The following PCDHA3 variants were observed in gnomAD, a reference collection of about 807,000 sequenced individuals.
PCDHA3 encodes the protein protocadherin alpha-3.
A neutral mutation model predicts 62.2 loss-of-function variants in PCDHA3; 41 were observed. The ratio of observed to expected loss-of-function variants is 0.66; its 90% CI spans 0.51 to 0.86. The LOEUF is 0.86. PCDHA3 is among the 40% of genes least tolerant of loss of function. The pLI is 0.00. For synonymous variants in PCDHA3, 640 were observed against 555.4 expected (o/e 1.15, Z -2.14); for missense variants, 1,304 against 1,241.2 (o/e 1.05, Z -0.76).
At chr5:140,828,276 G>C (rs2150153517) in intron 1 of PCDHA3, 1 of 1,614,090 alleles carries the variant, frequency 6.2e-7, no homozygotes, top group South Asian at 1.1e-5. Context: ...CTGGTGCCGC[G>C]CCTGTTCAGG....
intron 1 of PCDHA3, chr5:140,876,188 G>T: frequency 6.2e-7 from 1 of 1,613,944 alleles, no homozygotes; most frequent in South Asian, 1.1e-5. Flanking sequence ...AATGACAATG[G>T]TCCGGCGTTT....
chr5:140,856,905 C>T, intron 1 of PCDHA3: 1 of 1,595,990 alleles, frequency 6.3e-7, no homozygotes. Context: ...TTGGTCCCAC[C>T]CACGATAAGA....
At chr5:141,002,583 C>T (rs781898349) in intron 3 of PCDHA3, among the ~76,000 whole-genome samples, 6 of 152,176 alleles carry the variant, frequency 3.9e-5, no homozygotes, top group Non-Finnish European at 7.3e-5. Context: ...GACCATTAGT[C>T]CTTAGTCCCC....
At chr5:140,871,112 A>G (rs1554165130) in intron 1 of PCDHA3, 2 of 1,613,290 alleles carry the variant, frequency 1.2e-6, no homozygotes, top group Non-Finnish European at 1.7e-6. Context: ...TCGTTGGTGG[A>G]GAGCGGACAG....
At chr5:140,993,431 C>T (rs1171497178) in intron 3 of PCDHA3, among the ~76,000 whole-genome samples, 1 of 149,406 alleles carries the variant, frequency 6.7e-6, no homozygotes, top group African/African-American at 2.5e-5. Context: ...TTTTAAAATC[C>T]TTATTCATTC....
In PCDHA3 at chr5:140,883,629, C is replaced by T. The variant is rs1467301210; in HGVS notation, c.2394+80038C>T. ...GCCGACGTGAACGACAACGCGCCGGCGTTCGCGCAGCCCGAGTACACGGTG... is the reference window on the plus strand; with the variant it reads ...GCCGACGTGAACGACAACGCGCCGGTGTTCGCGCAGCCCGAGTACACGGTG... On this transcript the variant is annotated intron_variant, in intron 1 of 3. Transcript: ENST00000522353. 6.2e-7 allele frequency: 1 copy of T among 1,613,868 alleles called. No individual in the cohort carries two copies. Among genetic ancestry groups the T allele is most frequent in the African/African-American group, 1.3e-5 (1 of 74,936 alleles).
intron 1 of PCDHA3, among the ~76,000 whole-genome samples, chr5:140,889,977 C>A (rs2062447126): frequency 6.6e-6 from 1 of 152,102 alleles, no homozygotes; most frequent in African/African-American, 2.4e-5. Flanking sequence ...ATCCAGTCTC[C>A]AGTTGTCTTA....
chr5:140,915,374 G>A (rs1310466402), intron 1 of PCDHA3, among the ~76,000 whole-genome samples: 3 of 152,016 alleles, frequency 2.0e-5, no homozygotes, highest in Non-Finnish European at 4.4e-5. Flanking sequence ...TAAGTGTCTC[G>A]GCATTGAAGA....
At chr5:140,966,899 C>T in intron 1 of PCDHA3, 2 of 1,598,372 alleles carry the variant, frequency 1.3e-6, no homozygotes, top group African/African-American at 1.3e-5. Context: ...CTCCCAGCTG[C>T]GATACTCTGT....
chr5:140,863,326 G>T (rs782427157), intron 1 of PCDHA3: 3 of 1,432,470 alleles, frequency 2.1e-6, no homozygotes, highest in Non-Finnish European at 2.9e-6. Context: ...CAGCCTGTTA[G>T]TGCTCACGTT....
intron 1 of PCDHA3, among the ~76,000 whole-genome samples, chr5:140,840,836 TA>T (rs1554137914): frequency 6.6e-6 from 1 of 152,034 alleles, no homozygotes; most frequent in Non-Finnish European, 1.5e-5. Flanking sequence ...AAATAAATAT[TA>T]ATGCATTTCT....
Position 140,801,177 on chromosome 5 carries a change from A to G in PCDHA3, c.-21A>G. On this transcript the variant is annotated 5_prime_UTR_variant, in exon 1 of 4. Coordinates refer to ENST00000522353, the MANE Select transcript of PCDHA3 (RefSeq NM_018906.3). ...CTTTGGATCAATGTAAAGGCAATCT[A>G]ATATTTGGAAAATACTTGCAATGTT... is the stretch of plus-strand genomic sequence containing the variant. The G allele has an allele frequency of 6.4e-7, 1 of 1,570,090 alleles. No homozygotes were observed. Among genetic ancestry groups the G allele is most frequent in the Non-Finnish European group, 8.6e-7 (1 of 1,160,302 alleles).
intron 1 of PCDHA3, chr5:140,852,618 T>C: frequency 1.1e-6 from 1 of 941,450 alleles, no homozygotes; most frequent in Non-Finnish European, 1.3e-6. Flanking sequence ...AAAACTTGAG[T>C]GGTCTCTGAG....
Position 140,946,631 on chromosome 5 carries a change from T to TATATACAC in PCDHA3, c.2395-32317_2395-32316insTATACACA, listed in dbSNP as rs57893927. Among the ~76,000 whole-genome samples, 48 of 131,820 alleles carry TATATACAC rather than the reference T, an allele frequency of 3.6e-4. 1 individual carries two copies. Among genetic ancestry groups the TATATACAC allele is most frequent in the South Asian group, 8.9e-4 (4 of 4,516 alleles). The allele number at this position is 131,820 out of a possible 152,430, so 86.5% of individuals were successfully genotyped here. A position where few individuals can be genotyped will look rare whatever the true frequency, so the allele number is the denominator to read the frequency against. ...TGTGAAATATATATATATATATATA[T>TATATACAC]ACAATGGAATACTCATCAGCCATTA... is the stretch of plus-strand genomic sequence containing the variant. On this transcript the variant is annotated intron_variant, in intron 1 of 3. Coordinates refer to ENST00000522353, the MANE Select transcript of PCDHA3 (RefSeq NM_018906.3).
intron 1 of PCDHA3, among the ~76,000 whole-genome samples, chr5:140,936,673 A>G (rs77819967): frequency 0.018 from 2,748 of 152,254 alleles, 64 homozygotes; most frequent in South Asian, 0.1. Context: ...TGGACTGTCT[A>G]TTCTGTTTCA....
intron 1 of PCDHA3, among the ~76,000 whole-genome samples, chr5:140,918,164 G>T (rs1156404209): frequency 6.6e-6 from 1 of 152,088 alleles, no homozygotes; most frequent in East Asian, 1.9e-4. Context: ...TATTGTAAAT[G>T]GCATTGTGTT....
intron 1 of PCDHA3, among the ~76,000 whole-genome samples, chr5:140,891,797 C>A (rs2063254101): frequency 6.6e-6 from 1 of 152,136 alleles, no homozygotes; most frequent in Non-Finnish European, 1.5e-5. Context: ...TATGAGGGAT[C>A]TGCCCTCATG....
intron 1 of PCDHA3, among the ~76,000 whole-genome samples, chr5:140,912,063 A>C (rs1458411803): frequency 6.6e-6 from 1 of 152,214 alleles, no homozygotes; most frequent in Non-Finnish European, 1.5e-5. Context: ...CTTGGAGTCC[A>C]ATGTTCAAGG....
intron 1 of PCDHA3, among the ~76,000 whole-genome samples, chr5:140,911,992 A>T (rs904624481): frequency 6.6e-6 from 1 of 152,342 alleles, no homozygotes; most frequent in East Asian, 1.9e-4. Flanking sequence ...ACAAGGTCCC[A>T]CAATAGGCCA....
Sources: gnomAD v4.1 joint callset for allele counts (sites outside exome capture counted in the v4.1 genomes callset) on GRCh38, gnomAD v4.1.1 for gene constraint, MANE v1.5 for transcripts, NCBI Gene and HGNC (gene_info 2026-07-23, HGNC 2026-07-21) for gene names.